BTG4: variants seen among roughly 807,000 people sequenced by gnomAD.
BTG4 encodes BTG anti-proliferation factor 4, also known as protein BTG4.
In BTG4, 10 loss-of-function variants were observed where a neutral mutation model predicts 19.3. The ratio of observed to expected loss-of-function variants is 0.52; its 90% CI spans 0.32 to 0.88. BTG4 has a LOEUF of 0.88. BTG4 is among the 40% of genes least tolerant of loss of function. The pLI, the probability that BTG4 is intolerant of heterozygous loss-of-function variation, is 0.04. For missense variants in BTG4, 238 were observed against 281.9 expected, an observed-to-expected ratio of 0.84 and a Z score of 1.11; for synonymous variants, 91 against 95.7, an observed-to-expected ratio of 0.95 and a Z score of 0.29.
chr11:111,434,581 AAT>A, the BTG4 span, among the ~76,000 whole-genome samples: 2 of 151,468 alleles, frequency 1.3e-5, no homozygotes, highest in African/African-American at 4.8e-5. Flanking sequence ...TTTTAAAAAA[AAT>A]AAAAGCCACT....
At chr11:111,398,919 G>A in the BTG4 span, among the ~76,000 whole-genome samples, 11 of 152,280 alleles carry the variant, frequency 7.2e-5, no homozygotes, top group South Asian at 4.1e-4. Context: ...AATGATTCCT[G>A]TAAAGGTCTA....
At chr11:111,459,462 T>C in the BTG4 span, among the ~76,000 whole-genome samples, 1 of 152,230 alleles carries the variant, frequency 6.6e-6, no homozygotes, top group Non-Finnish European at 1.5e-5. Context: ...CTTTCTTCCT[T>C]TCTGAATTCA....
At chr11:111,387,018 G>A in the BTG4 span, among the ~76,000 whole-genome samples, 1 of 152,180 alleles carries the variant, frequency 6.6e-6, no homozygotes, top group South Asian at 2.1e-4. Context: ...AACTCTCCTA[G>A]CTTTAATTTC....
intron 5 of BTG4, among the ~76,000 whole-genome samples, chr11:111,478,612 C>G (rs1864539343): frequency 6.6e-6 from 1 of 152,032 alleles, no homozygotes. Context: ...TATGAACATG[C>G]TTGAAACAAA....
At chr11:111,424,284 A>G in the BTG4 span, among the ~76,000 whole-genome samples, 2 of 152,244 alleles carry the variant, frequency 1.3e-5, no homozygotes, top group Non-Finnish European at 2.9e-5. Flanking sequence ...AAGGAAAGCA[A>G]GGAAACTAGC....
downstream of BTG4, among the ~76,000 whole-genome samples, chr11:111,464,078 C>T (rs1315111386): frequency 1.3e-5 from 2 of 152,174 alleles, no homozygotes; most frequent in Non-Finnish European, 2.9e-5. Context: ...CTCACTGCAA[C>T]CTCTGCCTCC....
chr11:111,444,438 AC>A, the BTG4 span, among the ~76,000 whole-genome samples: 11 of 151,958 alleles, frequency 7.2e-5, no homozygotes, highest in Non-Finnish European at 1.0e-4. Flanking sequence ...AAGGATGGTT[AC>A]CCGATGCTGG....
chr11:111,480,646 C>G (rs1352753895), intron 5 of BTG4, among the ~76,000 whole-genome samples: 1 of 151,676 alleles, frequency 6.6e-6, no homozygotes, highest in Non-Finnish European at 1.5e-5. Context: ...AAATAAATAA[C>G]AAAAACCGGT....
At chr11:111,490,720 C>A (rs559316172), downstream of BTG4, among the ~76,000 whole-genome samples, 21 of 152,330 alleles carry the variant, frequency 1.4e-4, no homozygotes, top group South Asian at 4.1e-4. Context: ...AGATACCCTA[C>A]ACACCCATCA....
chr11:111,416,701 C>T, the BTG4 span: 1 of 152,336 alleles, frequency 6.6e-6, no homozygotes, highest in South Asian at 2.1e-4. Context: ...GGCTCCACCG[C>T]CTACCCTGTC....
the BTG4 span, among the ~76,000 whole-genome samples, chr11:111,390,694 C>T: frequency 6.6e-6 from 1 of 152,164 alleles, no homozygotes; most frequent in African/African-American, 2.4e-5. Context: ...TTCCACTCTG[C>T]GACAGAGACA....
chr11:111,387,961 A>G, the BTG4 span, among the ~76,000 whole-genome samples: 1 of 152,008 alleles, frequency 6.6e-6, no homozygotes, highest in African/African-American at 2.4e-5. Context: ...CCATATTACC[A>G]ACATTATTTT....
chr11:111,385,138 T>C, the BTG4 span: 1 of 152,170 alleles, frequency 6.6e-6, no homozygotes, highest in East Asian at 1.9e-4. Flanking sequence ...ACATTCTGTT[T>C]AACTTTTTCA....
the BTG4 span, among the ~76,000 whole-genome samples, chr11:111,418,379 G>C: frequency 6.6e-6 from 1 of 152,214 alleles, no homozygotes; most frequent in African/African-American, 2.4e-5. Flanking sequence ...AGAACTGACA[G>C]ACTTTAGGCT....
chr11:111,386,004 A>C, the BTG4 span: 1 of 152,298 alleles, frequency 6.6e-6, no homozygotes, highest in East Asian at 1.9e-4. Context: ...TTTCCACAAA[A>C]AAATTTAAAA....
the BTG4 span, among the ~76,000 whole-genome samples, chr11:111,426,375 G>A: frequency 2.6e-5 from 4 of 152,266 alleles, no homozygotes; most frequent in South Asian, 2.1e-4. Flanking sequence ...TTCTCTCTCC[G>A]TGTCTCCAAA....
intron 5 of BTG4, among the ~76,000 whole-genome samples, chr11:111,489,661 A>T (rs772782270): frequency 6.6e-6 from 1 of 152,220 alleles, no homozygotes; most frequent in Non-Finnish European, 1.5e-5. Flanking sequence ...ACGAAGAATA[A>T]AATCCTTCAT....
chr11:111,442,598 A>AAACAAC, the BTG4 span, among the ~76,000 whole-genome samples: 2 of 151,354 alleles, frequency 1.3e-5, no homozygotes, highest in South Asian at 2.1e-4. Flanking sequence ...AGTACTCGAA[A>AAACAAC]AACAACAACA....
At chr11:111,386,268 C>T in the BTG4 span, 1 of 152,106 alleles carries the variant, frequency 6.6e-6, no homozygotes, top group East Asian at 1.9e-4. Context: ...TGTAATTGTG[C>T]CAAGTTCTAT....
Sources: gnomAD v4.1 joint callset for allele counts (sites outside exome capture counted in the v4.1 genomes callset) on GRCh38, gnomAD v4.1.1 for gene constraint, MANE v1.5 for transcripts, NCBI Gene and HGNC (gene_info 2026-07-23, HGNC 2026-07-21) for gene names.